Variants in LRP1B observed in about 807,000 individuals in gnomAD.
LRP1B encodes the protein LDL receptor related protein 1B, also known as low-density lipoprotein receptor-related protein 1B.
A neutral mutation model predicts 556.6 loss-of-function variants in LRP1B; 217 were observed. The ratio of observed to expected loss-of-function variants is 0.39; its 90% CI spans 0.35 to 0.44. The LOEUF is 0.44. Among genes scored for constraint, LRP1B ranks in the 20% least tolerant of loss-of-function variants. The probability of loss-of-function intolerance (pLI) is 1.00; values close to 1 mark genes in which losing one functional copy is unlikely to be tolerated. For missense variants in LRP1B, 5,053 were observed against 5,620.8 expected, an observed-to-expected ratio of 0.90 and a Z score of 3.23; for synonymous variants, 2,047 against 1,865.8, an observed-to-expected ratio of 1.10 and a Z score of -2.50.
chr2:140,779,241 G>C (rs1015589041), intron 32 of LRP1B, among the ~76,000 whole-genome samples: 3 of 152,024 alleles, frequency 2.0e-5, no homozygotes, highest in African/African-American at 7.3e-5. Context: ...ATAAGAAAAA[G>C]GTAAGTCACT....
chr2:141,956,246 TTCTC>T (rs1224620194), intron 1 of LRP1B, among the ~76,000 whole-genome samples: 2 of 152,106 alleles, frequency 1.3e-5, no homozygotes, highest in Non-Finnish European at 2.9e-5. Context: ...CAGCTTTATA[TTCTC>T]TCTAATGATG....
At chr2:141,443,452 A>G (rs983545919) in intron 3 of LRP1B, among the ~76,000 whole-genome samples, 3 of 152,114 alleles carry the variant, frequency 2.0e-5, no homozygotes, top group African/African-American at 7.2e-5. Context: ...TGATTTGTCA[A>G]TTTTGGCTTT....
intron 2 of LRP1B, among the ~76,000 whole-genome samples, chr2:141,528,144 C>A (rs1684752546): frequency 6.6e-6 from 1 of 151,572 alleles, no homozygotes; most frequent in Admixed American, 6.6e-5. Context: ...TTCTGCTTGG[C>A]CTGCTTTGAC....
intron 32 of LRP1B, among the ~76,000 whole-genome samples, chr2:140,799,612 A>G (rs898002924): frequency 4.6e-5 from 7 of 152,118 alleles, no homozygotes; most frequent in Non-Finnish European, 8.8e-5. Flanking sequence ...GCAGATGTAG[A>G]TTTTTCCCCA....
At chr2:140,315,602 G>A (rs1421151163) in intron 82 of LRP1B, among the ~76,000 whole-genome samples, 1 of 151,982 alleles carries the variant, frequency 6.6e-6, no homozygotes, top group African/African-American at 2.4e-5. Flanking sequence ...TGTAGAGACA[G>A]GTTCTCACTG....
chr2:140,237,485 T>A (rs896355329), intron 89 of LRP1B, among the ~76,000 whole-genome samples: 1 of 150,898 alleles, frequency 6.6e-6, no homozygotes, highest in Non-Finnish European at 1.5e-5. Flanking sequence ...ATTTCCTACT[T>A]ATTATGTATC....
At position 140,877,199 on chromosome 2, in the gene LRP1B, A is replaced by G. The variant is rs931413801; in HGVS notation, c.4169+6618T>C. On this transcript the variant is annotated intron_variant, in intron 25 of 90. Transcript: ENST00000389484. ...CAGCAACCTATTTAAAGCCACATAT[A>G]TAAACGACTTTCGAAGCTGCCTACT... Among the ~76,000 whole-genome samples, 7 of 152,208 alleles carry G rather than the reference A, an allele frequency of 4.6e-5. No homozygotes were observed. In the East Asian group the frequency reaches 1.2e-3, roughly 25 times the overall value.
At chr2:141,476,392 C>A (rs189687795) in intron 3 of LRP1B, among the ~76,000 whole-genome samples, 1 of 152,016 alleles carries the variant, frequency 6.6e-6, no homozygotes, top group African/African-American at 2.4e-5. Flanking sequence ...ATTGAGAGGC[C>A]TTGTATTTTA....
chr2:142,072,165 G>A (rs1252277764), intron 1 of LRP1B, among the ~76,000 whole-genome samples: 2 of 151,918 alleles, frequency 1.3e-5, no homozygotes, highest in Non-Finnish European at 2.9e-5. Context: ...GTTGCCTAAT[G>A]AAGCTTCCTG....
rs1332772684 is a variant in LRP1B at position 141,907,563 on chromosome 2, GA to G, written c.83-97163del. ...AATATTTACTTAAGAGCAACACTTT[GA>G]AACTTTTGGAATTGGCACGACCTTT... is the stretch of plus-strand genomic sequence containing the variant. On this transcript the variant is annotated intron_variant, in intron 1 of 90. Transcript: ENST00000389484. 2.0e-5 allele frequency among the ~76,000 whole-genome samples: 3 copies of G among 151,758 alleles called. No individual in the cohort carries two copies. The East Asian group carries it at 5.8e-4, about 29-fold the overall frequency.
chr2:141,869,138 A>G (rs536425119), intron 1 of LRP1B, among the ~76,000 whole-genome samples: 9 of 152,230 alleles, frequency 5.9e-5, no homozygotes, highest in Middle Eastern at 6.8e-3. Flanking sequence ...CTAATATTCT[A>G]GACCAGTGCC....
At chr2:140,358,167 T>C in intron 73 of LRP1B, 51 bp from the exon 74 acceptor site, 1 of 1,542,132 alleles carries the variant, frequency 6.5e-7, no homozygotes, top group Non-Finnish European at 8.9e-7. Context: ...CAAAACACTC[T>C]TATTGAGCAT....
chr2:141,006,480 G>T (rs939321834), intron 14 of LRP1B, among the ~76,000 whole-genome samples: 1 of 151,976 alleles, frequency 6.6e-6, no homozygotes, highest in Non-Finnish European at 1.5e-5. Flanking sequence ...GGTTGGAAAG[G>T]AAAGGAAGAA....
At chr2:140,727,891 C>G (rs2105490204) in intron 35 of LRP1B, among the ~76,000 whole-genome samples, 1 of 152,216 alleles carries the variant, frequency 6.6e-6, no homozygotes, top group South Asian at 2.1e-4. Context: ...TTGTTTCTTT[C>G]ATTTTGACAA....
chr2:140,591,888 A>G (rs1418631204), intron 43 of LRP1B, among the ~76,000 whole-genome samples: 1 of 152,214 alleles, frequency 6.6e-6, no homozygotes, highest in East Asian at 1.9e-4. Context: ...CATTTTGTAT[A>G]CAACATTTTC....
At chr2:141,744,172 T>C in intron 2 of LRP1B, among the ~76,000 whole-genome samples, 1 of 152,080 alleles carries the variant, frequency 6.6e-6, no homozygotes, top group East Asian at 1.9e-4. Context: ...TCCCATAGAT[T>C]TTAGTATGTT....
intron 2 of LRP1B, among the ~76,000 whole-genome samples, chr2:141,694,765 AC>A (rs1691675172): frequency 6.6e-6 from 1 of 152,056 alleles, no homozygotes; most frequent in African/African-American, 2.4e-5. Flanking sequence ...GAAAGGAGCT[AC>A]CAAATGGCAA....
intron 1 of LRP1B, among the ~76,000 whole-genome samples, chr2:142,073,503 A>C (rs1559055630): frequency 6.6e-6 from 1 of 151,970 alleles, no homozygotes; most frequent in Non-Finnish European, 1.5e-5. Flanking sequence ...CCTACTACCA[A>C]ATTTACTTGC....
At chr2:140,264,171 A>AC (rs34587694) in intron 86 of LRP1B, among the ~76,000 whole-genome samples, 54,559 of 151,942 alleles carry the variant, frequency 0.36, 11,335 homozygotes, top group Non-Finnish European at 0.48. Flanking sequence ...TCTTACAAAG[A>AC]CACCAGTCAG....
Sources: gnomAD v4.1 joint callset for allele counts (sites outside exome capture counted in the v4.1 genomes callset) on GRCh38, gnomAD v4.1.1 for gene constraint, MANE v1.5 for transcripts, NCBI Gene and HGNC (gene_info 2026-07-23, HGNC 2026-07-21) for gene names.